TRIM2: variants seen among roughly 807,000 people sequenced by gnomAD.
The protein encoded by TRIM2 is tripartite motif-containing protein 2.
In TRIM2, 20 loss-of-function variants were observed where a neutral mutation model predicts 75.2. The observed-to-expected ratio is 0.27, with a 90% confidence interval of 0.19 to 0.39. TRIM2 has a LOEUF of 0.39. Among genes scored for constraint, TRIM2 ranks in the 10% least tolerant of loss-of-function variants. The pLI is 1.00. For synonymous variants in TRIM2, 373 were observed against 388.3 expected, an observed-to-expected ratio of 0.96 and a Z score of 0.46; for missense variants, 660 against 990.8, an observed-to-expected ratio of 0.67 and a Z score of 4.48.
intron 8 of TRIM2, among the ~76,000 whole-genome samples, chr4:153,320,167 C>T (rs998484015): frequency 2.6e-5 from 4 of 152,134 alleles, no homozygotes; most frequent in Admixed American, 2.0e-4. Flanking sequence ...GTGTTATAGC[C>T]TCTTTGATCT....
intron 1 of TRIM2, among the ~76,000 whole-genome samples, chr4:153,237,536 C>T (rs1440893466): frequency 1.3e-5 from 2 of 151,944 alleles, no homozygotes; most frequent in Non-Finnish European, 2.9e-5. Flanking sequence ...AAAAATTAGC[C>T]GAGGGTGGTG....
chr4:153,334,705 A>G lies in TRIM2; in HGVS notation c.2164-109A>G, dbSNP rs941205009. 9.0e-6 allele frequency: 10 copies of G among 1,111,538 alleles called. No homozygotes were observed. The East Asian group carries it at 2.5e-4, about 28-fold the overall frequency. 68.9% of individuals were successfully genotyped at this position (1,111,538 alleles called of 1,614,324 possible). On this transcript the variant is annotated intron_variant, in intron 11 of 11. Transcript: ENST00000338700. ...TGGGTGTCAGAGTGAGACCCTGTCA[A>G]AAAGAAAGAAAGAAACAGAAAAACA... is the stretch of plus-strand genomic sequence containing the variant.
Position 153,186,007 on chromosome 4 carries a change from A to G in TRIM2, c.-49+32737A>G, listed in dbSNP as rs143592713. ...TAGACCAGGGGTGATTTTGCCCCCA[A>G]GGGAAAATTTGGCAATGTCTAGAGA... On this transcript the variant is annotated intron_variant, in intron 1 of 11. Coordinates refer to the TRIM2 transcript ENST00000437508. 2.2e-3 allele frequency among the ~76,000 whole-genome samples: 328 copies of G among 152,304 alleles called. 3 individuals carry two copies. Among genetic ancestry groups the G allele is most frequent in the African/African-American group, 7.3e-3 (304 of 41,560 alleles).
chr4:153,212,337 G>A (rs1051876586), intron 1 of TRIM2, among the ~76,000 whole-genome samples: 5 of 152,178 alleles, frequency 3.3e-5, no homozygotes, highest in Admixed American at 2.6e-4. Flanking sequence ...GGTACACAGT[G>A]GGTATATGTG....
chr4:153,217,681 G>A (rs896614359), intron 1 of TRIM2, among the ~76,000 whole-genome samples: 2 of 152,126 alleles, frequency 1.3e-5, no homozygotes, highest in Non-Finnish European at 2.9e-5. Context: ...ATCACCAGAT[G>A]AAGCAGTTGG....
At chr4:153,203,894 T>TA (rs1734738420), upstream of TRIM2, among the ~76,000 whole-genome samples, 1 of 151,320 alleles carries the variant, frequency 6.6e-6, no homozygotes, top group African/African-American at 2.4e-5. Context: ...TCCATCTCAA[T>TA]AAATAAATAA....
At position 153,339,207 on chromosome 4, in the gene TRIM2, A is replaced by G. The variant is rs1007503230; in HGVS notation, c.*4241A>G. 6.1e-6 allele frequency: 6 copies of G among 985,626 alleles called. No individual in the cohort carries two copies. The highest frequency in any genetic ancestry group is 3.5e-5 in the African/African-American group (2 of 57,244). 61.1% of individuals were successfully genotyped at this position (985,626 alleles called of 1,614,324 possible). A position where few individuals can be genotyped will look rare whatever the true frequency, so the allele number is the denominator to read the frequency against. ...CAGTATTTTGGATGCTTTAGTCTAC[A>G]ATGAAACTTTCAATTAATTCTGTCT... On this transcript the variant is annotated 3_prime_UTR_variant, in exon 12 of 12. Coordinates refer to ENST00000338700, the MANE Select transcript of TRIM2 (RefSeq NM_015271.5).
intron 6 of TRIM2, among the ~76,000 whole-genome samples, chr4:153,302,980 C>G (rs1042960747): frequency 6.6e-6 from 1 of 152,158 alleles, no homozygotes; most frequent in Non-Finnish European, 1.5e-5. Context: ...CTCTCACCAC[C>G]GTCATGCTCG....
At chr4:153,157,049 GT>G (rs1243583195) in intron 1 of TRIM2, 2 of 152,354 alleles carry the variant, frequency 1.3e-5, no homozygotes, top group African/African-American at 4.8e-5. Context: ...GCCTTCCAGG[GT>G]GGCAGAGAGA....
intron 1 of TRIM2, among the ~76,000 whole-genome samples, chr4:153,262,184 A>G (rs1470979005): frequency 2.0e-5 from 3 of 152,230 alleles, no homozygotes; most frequent in Non-Finnish European, 4.4e-5. Flanking sequence ...AGACAACAGT[A>G]TTGCAATAGA....
chr4:153,168,936 C>A (rs1250726091), intron 1 of TRIM2, among the ~76,000 whole-genome samples: 1 of 152,054 alleles, frequency 6.6e-6, no homozygotes, highest in East Asian at 1.9e-4. Context: ...CAATCAATAG[C>A]TGGGCATGTT....
chr4:153,223,824 TTA>T (rs1317370262), intron 1 of TRIM2, among the ~76,000 whole-genome samples: 1 of 152,212 alleles, frequency 6.6e-6, no homozygotes, highest in Non-Finnish European at 1.5e-5. Flanking sequence ...TCAAAGACTT[TTA>T]AAGAGTTAAT....
intron 1 of TRIM2, among the ~76,000 whole-genome samples, chr4:153,196,484 G>C (rs80011651): frequency 0.08 from 12,109 of 152,094 alleles, 608 homozygotes; most frequent in East Asian, 0.15. Context: ...CCATTTCCTT[G>C]TCTGCAGAAT....
chr4:153,156,601 G>T (rs1729253427), intron 1 of TRIM2: 1 of 152,156 alleles, frequency 6.6e-6, no homozygotes, highest in African/African-American at 2.4e-5. Context: ...GGGAGGGGAG[G>T]AGTATGGATT....
chr4:153,337,920 A>C lies in TRIM2; in HGVS notation c.*2954A>C, dbSNP rs1053564503. On this transcript the variant is annotated 3_prime_UTR_variant, in exon 12 of 12. Transcript: ENST00000338700. ...CAGACCCCCCAGCCCCCCTTGCTGG[A>C]CATGGGGAGGCAGAGAGTCACTTGA... The C allele has an allele frequency of 1.6e-5, 16 of 985,696 alleles. No individual in the cohort carries two copies. The South Asian group carries it at 6.6e-4, about 41-fold the overall frequency. 61.1% of individuals were successfully genotyped at this position (985,696 alleles called of 1,614,324 possible).
At chr4:153,315,732 G>A (rs561011624) in intron 7 of TRIM2, 100 bp from the exon 8 acceptor site, 12 of 1,488,968 alleles carry the variant, frequency 8.1e-6, no homozygotes, top group Admixed American at 5.5e-5. Flanking sequence ...TAGAGTTTGC[G>A]TGTTCTGATC....
At chr4:153,313,321 G>A (rs1034063113) in intron 6 of TRIM2, among the ~76,000 whole-genome samples, 2 of 152,118 alleles carry the variant, frequency 1.3e-5, no homozygotes, top group Admixed American at 6.5e-5. Context: ...ACGCTAGTGC[G>A]AGTAGATGAG....
intron 6 of TRIM2, among the ~76,000 whole-genome samples, chr4:153,313,128 C>T (rs1766725913): frequency 6.6e-6 from 1 of 152,116 alleles, no homozygotes; most frequent in Non-Finnish European, 1.5e-5. Flanking sequence ...TATCCCCCTT[C>T]GAGGGCCAAC....
rs183554886 is a variant in TRIM2, at chr4:153,215,703, G to A, written c.30+11143G>A. Among the ~76,000 whole-genome samples, 779 of 151,766 alleles carry A rather than the reference G, an allele frequency of 5.1e-3. 7 individuals carry two copies. Among genetic ancestry groups the A allele is most frequent in the African/African-American group, 0.018 (727 of 41,392 alleles). ...ACATATGGGGGTTTGCAAGAAAAAA[G>A]GTTTCTTAAATAAAACCCCTCCATA... On this transcript the variant is annotated intron_variant, in intron 1 of 11. Coordinates refer to ENST00000338700, the MANE Select transcript of TRIM2 (RefSeq NM_015271.5).
Sources: gnomAD v4.1 joint callset for allele counts (sites outside exome capture counted in the v4.1 genomes callset) on GRCh38, gnomAD v4.1.1 for gene constraint, MANE v1.5 for transcripts, NCBI Gene and HGNC (gene_info 2026-07-23, HGNC 2026-07-21) for gene names.